Variants in MAST4 observed in about 807,000 individuals in gnomAD.
MAST4 encodes microtubule-associated serine/threonine-protein kinase 4.
Under a neutral mutation model 162.7 loss-of-function variants are expected in MAST4, and 89 were observed. That is an observed-to-expected ratio of 0.55 (90% CI 0.46 to 0.65). The LOEUF (loss-of-function observed/expected upper bound fraction) is 0.65, where lower values mean the gene tolerates loss of function less well. Ranked by LOEUF, MAST4 falls within the 30% of genes least tolerant of loss-of-function variation. The probability of loss-of-function intolerance (pLI) is 0.00; values close to 1 mark genes in which losing one functional copy is unlikely to be tolerated. For synonymous variants in MAST4, 1,479 were observed against 1,361.1 expected (o/e 1.09, Z -1.91); for missense variants, 3,153 against 3,374.0 (o/e 0.93, Z 1.62).
chr5:66,945,794 G>A (rs755491925), intron 4 of MAST4, among the ~76,000 whole-genome samples: 2 of 152,166 alleles, frequency 1.3e-5, no homozygotes, highest in Admixed American at 6.5e-5. Flanking sequence ...GAATCATTAT[G>A]TAGTGATAGT....
intron 17 of MAST4, among the ~76,000 whole-genome samples, 171 bp from the exon 18 acceptor site, chr5:67,134,352 G>A (rs73766406): frequency 0.014 from 2,089 of 152,186 alleles, 48 homozygotes; most frequent in African/African-American, 0.047. Flanking sequence ...AATTCTTTTC[G>A]TTGGTATTTT....
At chr5:66,743,908 G>A (rs115349996) in intron 1 of MAST4, among the ~76,000 whole-genome samples, 1,644 of 152,162 alleles carry the variant, frequency 0.011, 29 homozygotes, top group African/African-American at 0.036. Flanking sequence ...TTCTACAGTG[G>A]GACACAGCTT....
At chr5:66,660,777 A>G (rs1746855253) in intron 1 of MAST4, among the ~76,000 whole-genome samples, 1 of 152,234 alleles carries the variant, frequency 6.6e-6, no homozygotes, top group Non-Finnish European at 1.5e-5. Flanking sequence ...ACAAATAATT[A>G]TATTGCTAAT....
intron 1 of MAST4, among the ~76,000 whole-genome samples, chr5:66,648,443 G>T (rs1324476816): frequency 6.6e-6 from 1 of 152,066 alleles, no homozygotes; most frequent in Non-Finnish European, 1.5e-5. Context: ...TTATATTTTG[G>T]TTTTTATACT....
chr5:66,891,944 C>T (rs1762390234), intron 3 of MAST4, among the ~76,000 whole-genome samples: 1 of 152,228 alleles, frequency 6.6e-6, no homozygotes, highest in Non-Finnish European at 1.5e-5. Flanking sequence ...CAGGTTCTAC[C>T]AGGCTTTCTT....
chr5:67,145,476 G>A (rs1386176206), intron 23 of MAST4, 97 bp downstream of exon 23: 5 of 923,178 alleles, frequency 5.4e-6, no homozygotes, highest in Non-Finnish European at 8.3e-6. Flanking sequence ...AGTAAAGATG[G>A]GTGTTTTATG....
In MAST4 at chr5:66,650,065, AC is replaced by A. The variant is rs199564351; in HGVS notation, c.363+53049del. On this transcript the variant is annotated intron_variant, in intron 1 of 28. Transcript: ENST00000403625. The stretch of plus-strand genomic sequence containing the variant: ...CAACTTGGACCATGTATTTCAGTCA[AC>A]CGTTGCCACAATAATGTTGAATAAC... Among the ~76,000 whole-genome samples, 594 of 152,212 alleles carry A rather than the reference AC, an allele frequency of 3.9e-3. 3 individuals carry two copies. Among genetic ancestry groups the A allele is most frequent in the Non-Finnish European group, 5.6e-3 (380 of 67,998 alleles).
intron 1 of MAST4, among the ~76,000 whole-genome samples, chr5:66,700,342 T>C (rs1336226934): frequency 1.3e-5 from 2 of 151,988 alleles, no homozygotes; most frequent in African/African-American, 2.4e-5. Context: ...TTCTCGCTCT[T>C]TTTTTTTGTA....
chr5:66,661,660 A>G (rs540579278), intron 1 of MAST4, among the ~76,000 whole-genome samples: 2 of 152,262 alleles, frequency 1.3e-5, no homozygotes, highest in Admixed American at 6.5e-5. Context: ...TCTTTCATGC[A>G]TTTACCACAT....
intron 4 of MAST4, among the ~76,000 whole-genome samples, chr5:66,954,900 CA>C (rs538274808): frequency 1.7e-4 from 24 of 139,348 alleles, no homozygotes; most frequent in Admixed American, 2.8e-4. Flanking sequence ...GACTCTGTCT[CA>C]AAAAAAAAAG....
Position 67,164,098 on chromosome 5 carries a change from C to G in MAST4, c.4919C>G (p.Pro1640Arg), listed in dbSNP as rs201993384. The G allele has an allele frequency of 1.3e-5, 21 of 1,577,450 alleles. No homozygotes were observed. Among genetic ancestry groups the G allele is most frequent in the Admixed American group, 3.6e-5 (2 of 55,798 alleles). Residue 1640 changes from proline (P) to arginine (R), a missense_variant, in exon 29 of 29, where the codon CCC (proline) becomes CGC (arginine). Physicochemically the swap from Pro to Arg is moderately radical, Grantham distance 103. Transcript: ENST00000403625. The surrounding 1 kb of genome is among the most constrained non-coding windows in gnomAD (Gnocchi z 5.3). ...RQGGGDFRRA[P>R]APGTLQDGLC... The stretch of plus-strand genomic sequence containing the variant: ...GGTGGCGGGGACTTCAGACGGGCCC[C>G]CGCTCCTGGCACCCTCCAGGATGGT...
At chr5:67,075,066 G>A (rs1246591321) in intron 5 of MAST4, among the ~76,000 whole-genome samples, 1 of 151,886 alleles carries the variant, frequency 6.6e-6, no homozygotes, top group Non-Finnish European at 1.5e-5. Flanking sequence ...CCATGGTAGT[G>A]CTGGGCATAT....
intron 5 of MAST4, among the ~76,000 whole-genome samples, chr5:67,078,800 T>TATTTATTTATATTTATCTAAATA (rs1762050846): frequency 1.7e-5 from 2 of 117,796 alleles, no homozygotes; most frequent in South Asian, 2.4e-4. Context: ...CTAAATATAT[T>TATTTATTTATATTTATCTAAATA]TATTTATATT....
intron 1 of MAST4, among the ~76,000 whole-genome samples, chr5:66,597,593 C>T (rs1742280359): frequency 6.6e-6 from 1 of 152,208 alleles, no homozygotes; most frequent in Non-Finnish European, 1.5e-5. Flanking sequence ...CCCCGCGCTC[C>T]CTCGGTGGCG....
intron 1 of MAST4, among the ~76,000 whole-genome samples, chr5:66,597,606 G>A (rs1321241530): frequency 6.6e-6 from 1 of 152,200 alleles, no homozygotes; most frequent in Non-Finnish European, 1.5e-5. Flanking sequence ...CGGTGGCGCT[G>A]GCGTGCGCGC....
intron 1 of MAST4, among the ~76,000 whole-genome samples, chr5:66,691,383 T>G (rs1749029041): frequency 6.6e-6 from 1 of 152,178 alleles, no homozygotes; most frequent in Non-Finnish European, 1.5e-5. Flanking sequence ...TATCTCACAT[T>G]AATGCCATTT....
intron 1 of MAST4, among the ~76,000 whole-genome samples, chr5:66,708,049 C>A (rs1750249300): frequency 6.6e-6 from 1 of 152,142 alleles, no homozygotes; most frequent in Non-Finnish European, 1.5e-5. Flanking sequence ...GCTGGTAGGT[C>A]CGTTTTAGAG....
intron 4 of MAST4, among the ~76,000 whole-genome samples, chr5:66,972,841 C>T (rs1280864673): frequency 2.0e-5 from 3 of 152,216 alleles, no homozygotes; most frequent in African/African-American, 7.2e-5. Flanking sequence ...CCGTGTCTCA[C>T]TCATTCCCTC....
intron 3 of MAST4, among the ~76,000 whole-genome samples, chr5:66,825,422 T>C (rs1379878157): frequency 3.3e-5 from 5 of 152,120 alleles, no homozygotes; most frequent in African/African-American, 7.2e-5. Flanking sequence ...TGTCCCATCA[T>C]TGGCTGAAAT....
Sources: gnomAD v4.1 joint callset for allele counts (sites outside exome capture counted in the v4.1 genomes callset) on GRCh38, gnomAD v4.1.1 for gene constraint, Gnocchi (gnomAD v3.1) non-coding constraint, MANE v1.5 for transcripts, NCBI Gene and HGNC (gene_info 2026-07-23, HGNC 2026-07-21) for gene names.